The following TGFA variants were observed in gnomAD, a reference collection of about 807,000 sequenced individuals.
TGFA encodes protransforming growth factor alpha.
TGFA carries 12 observed loss-of-function variants against 21.7 expected under a neutral mutation model. That is an observed-to-expected ratio of 0.55 (90% CI 0.35 to 0.90). TGFA has a LOEUF of 0.90. Among genes scored for constraint, TGFA ranks in the 40% least tolerant of loss-of-function variants. The pLI, the probability that TGFA is intolerant of heterozygous loss-of-function variation, is 0.01. For synonymous variants in TGFA, 79 were observed against 88.1 expected (o/e 0.90, Z 0.58); for missense variants, 178 against 210.8 (o/e 0.84, Z 0.96).
At chr2:70,522,340 C>A (rs1414871559) in intron 1 of TGFA, among the ~76,000 whole-genome samples, 3 of 152,218 alleles carry the variant, frequency 2.0e-5, no homozygotes, top group Non-Finnish European at 1.5e-5. Flanking sequence ...TACTTCTAGT[C>A]TAGATCCCTG....
At chr2:70,489,366 T>C (rs1273013163) in intron 2 of TGFA, among the ~76,000 whole-genome samples, 1 of 152,230 alleles carries the variant, frequency 6.6e-6, no homozygotes, top group Non-Finnish European at 1.5e-5. Flanking sequence ...CAGTGTTTAC[T>C]AAAATCTCTC....
chr2:70,450,960 C>A, intron 5 of TGFA, 94 bp from the exon 6 acceptor site: 4 of 1,457,778 alleles, frequency 2.7e-6, no homozygotes, highest in Non-Finnish European at 3.8e-6. Context: ...GATGGCAGAG[C>A]CAATGTCACC....
intron 2 of TGFA, among the ~76,000 whole-genome samples, chr2:70,483,797 G>A (rs1013116605): frequency 5.3e-5 from 8 of 152,120 alleles, no homozygotes; most frequent in African/African-American, 9.7e-5. Flanking sequence ...AGGCACTAAC[G>A]TGCTTGTTCC....
chr2:70,548,215 C>A (rs1673375870), intron 1 of TGFA, among the ~76,000 whole-genome samples: 1 of 152,152 alleles, frequency 6.6e-6, no homozygotes, highest in Admixed American at 6.5e-5. Context: ...TCAGAGTATC[C>A]TGCACTGGGT....
At chr2:70,498,124 AAC>A (rs142803246) in intron 2 of TGFA, among the ~76,000 whole-genome samples, 9,111 of 152,336 alleles carry the variant, frequency 0.06, 314 homozygotes, top group Middle Eastern at 0.1. Flanking sequence ...ATCCACAGGA[AAC>A]AGAATATTAC....
intron 2 of TGFA, among the ~76,000 whole-genome samples, chr2:70,467,141 CAT>C (rs1212083361): frequency 2.0e-5 from 3 of 152,120 alleles, no homozygotes; most frequent in African/African-American, 7.2e-5. Context: ...CACCATGGCA[CAT>C]GTTTACCTAT....
chr2:70,551,506 AAC>A (rs1310818662), intron 1 of TGFA, among the ~76,000 whole-genome samples: 1 of 152,240 alleles, frequency 6.6e-6, no homozygotes, highest in Non-Finnish European at 1.5e-5. Flanking sequence ...GTAGCGATGG[AAC>A]ACTGGTTGAT....
intron 1 of TGFA, among the ~76,000 whole-genome samples, chr2:70,515,849 C>G (rs1284518355): frequency 1.3e-5 from 2 of 152,140 alleles, no homozygotes; most frequent in African/African-American, 4.8e-5. Context: ...CTCTAAGCCC[C>G]CAGTGCATAC....
At chr2:70,496,813 CA>C (rs1407550987) in intron 2 of TGFA, among the ~76,000 whole-genome samples, 1 of 152,166 alleles carries the variant, frequency 6.6e-6, no homozygotes, top group Non-Finnish European at 1.5e-5. Flanking sequence ...ACTAGACAGA[CA>C]AGGTCCCTGC....
intron 1 of TGFA, among the ~76,000 whole-genome samples, chr2:70,522,260 G>C (rs1176885892): frequency 6.6e-6 from 1 of 152,132 alleles, no homozygotes; most frequent in Non-Finnish European, 1.5e-5. Flanking sequence ...TTGGACTAGG[G>C]GCTGGGTAGT....
intron 3 of TGFA, among the ~76,000 whole-genome samples, chr2:70,459,309 TA>T (rs1213078191): frequency 2.0e-5 from 3 of 152,248 alleles, no homozygotes; most frequent in Non-Finnish European, 1.5e-5. Context: ...AGCATTAGGC[TA>T]AACTCCTACA....
intron 4 of TGFA, among the ~76,000 whole-genome samples, chr2:70,455,203 C>T (rs1670193268): frequency 6.6e-6 from 1 of 151,846 alleles, no homozygotes; most frequent in African/African-American, 2.4e-5. Context: ...CCTCACCACT[C>T]AGTGCTGCCT....
intron 2 of TGFA, among the ~76,000 whole-genome samples, chr2:70,504,136 G>C (rs1452274401): frequency 6.6e-6 from 1 of 152,034 alleles, no homozygotes; most frequent in Non-Finnish European, 1.5e-5. Flanking sequence ...TATACAGGCT[G>C]GGCACGGGGA....
intron 2 of TGFA, among the ~76,000 whole-genome samples, chr2:70,500,052 T>C (rs993431750): frequency 5.9e-5 from 9 of 152,204 alleles, no homozygotes; most frequent in Admixed American, 5.9e-4. Context: ...CATTTATCGA[T>C]AAGATATTCA....
At chr2:70,484,589 T>A (rs3755383) in intron 2 of TGFA, among the ~76,000 whole-genome samples, 80,126 of 151,890 alleles carry the variant, frequency 0.53, 21,317 homozygotes, top group East Asian at 0.61. Context: ...TATCACCATG[T>A]TCAGATGTGC....
intron 4 of TGFA, 22 bp from the exon 5 acceptor site, chr2:70,453,349 A>T: frequency 6.2e-7 from 1 of 1,608,064 alleles, no homozygotes; most frequent in Non-Finnish European, 8.5e-7. Flanking sequence ...CAGAGGACCC[A>T]GTCTGGGCAG....
chr2:70,488,254 C>T lies in TGFA; in HGVS notation c.95-22518G>A, dbSNP rs150809068. On this transcript the variant is annotated intron_variant, in intron 2 of 5. Transcript: ENST00000295400. ...GGTTTGTGTCTTCCTTTTGCTTATG[C>T]AGAAGTCACCCTGACATTATTAGAG... is the stretch of plus-strand genomic sequence containing the variant. Among the ~76,000 whole-genome samples the T allele has an allele frequency of 6.2e-4, 94 of 152,240 alleles. No homozygotes were observed. In the East Asian group the frequency reaches 0.018, roughly 28 times the overall value.
intron 1 of TGFA, among the ~76,000 whole-genome samples, chr2:70,534,135 T>C (rs1553504079): frequency 2.6e-5 from 4 of 152,228 alleles, no homozygotes; most frequent in East Asian, 1.9e-4. Flanking sequence ...AATGAAGTTC[T>C]TACATACAAG....
Position 70,449,602 on chromosome 2 carries a change from T to C in TGFA, c.*1257A>G. 3.4e-6 allele frequency: 1 copy of C among 291,508 alleles called. No homozygotes were observed. Among genetic ancestry groups the C allele is most frequent in the South Asian group, 3.1e-5 (1 of 32,178 alleles). The allele number at this position is 291,508 out of a possible 1,614,324, so 18.1% of individuals were successfully genotyped here. On this transcript the variant is annotated 3_prime_UTR_variant, in exon 6 of 6. Coordinates refer to ENST00000295400, the MANE Select transcript of TGFA (RefSeq NM_003236.4). The stretch of plus-strand genomic sequence containing the variant: ...TAGTGGAGGTGACTTGTTAGAGTTT[T>C]TGTTAATAAAGCCGGCATCCTGAAT...
Sources: allele counts gnomAD v4.1 joint callset (sites outside exome capture counted in the v4.1 genomes callset), GRCh38; gene constraint gnomAD v4.1.1; transcripts MANE v1.5; gene names NCBI Gene and HGNC (gene_info 2026-07-23, HGNC 2026-07-21).